The following IGSF5 variants were observed in gnomAD, a reference collection of about 807,000 sequenced individuals.
IGSF5 encodes the protein immunoglobulin superfamily member 5.
In IGSF5, 41 loss-of-function variants were observed where a neutral mutation model predicts 39.4. That is an observed-to-expected ratio of 1.04 (90% CI 0.81 to 1.35). The LOEUF (loss-of-function observed/expected upper bound fraction) is 1.35, where lower values mean the gene tolerates loss of function less well. IGSF5 is among the 40% of genes most tolerant of loss of function. The pLI, the probability that IGSF5 is intolerant of heterozygous loss-of-function variation, is 0.00. For missense variants in IGSF5, 487 were observed against 494.6 expected (o/e 0.98, Z 0.15); for synonymous variants, 183 against 175.3 (o/e 1.04, Z -0.34).
At chr21:39,755,978 C>A (rs2080028081) in intron 2 of IGSF5, among the ~76,000 whole-genome samples, 1 of 151,820 alleles carries the variant, frequency 6.6e-6, no homozygotes, top group East Asian at 1.9e-4. Context: ...GTACTTCCAG[C>A]TACTTGGGAG....
At chr21:39,774,745 A>G (rs769427942) in intron 4 of IGSF5, among the ~76,000 whole-genome samples, 6 of 152,218 alleles carry the variant, frequency 3.9e-5, no homozygotes, top group Non-Finnish European at 7.3e-5. Context: ...AAAATGAAGT[A>G]ATGTTTTTAG....
Position 39,779,222 on chromosome 21 carries a change from C to T in IGSF5, c.851C>T (p.Thr284Ile). The change falls in exon 5 of 9, where the codon ACA becomes ATA. Residue 284 changes from threonine to isoleucine, a missense_variant. Physicochemically the swap from Thr to Ile is moderately conservative, Grantham distance 89. Coordinates refer to ENST00000380588, the MANE Select transcript of IGSF5 (RefSeq NM_001080444.2). Reference protein sequence around the residue: ...TMLLTPTCTLTIRCCCCRRRC... With the variant: ...TMLLTPTCTLIIRCCCCRRRC... ...CTTCTGACGCCGACGTGTACTCTTACAATACGCTGCTGCTGCTGCCGCCGT... is the reference window on the plus strand; with the variant it reads ...CTTCTGACGCCGACGTGTACTCTTATAATACGCTGCTGCTGCTGCCGCCGT... 1.9e-6 allele frequency: 3 copies of T among 1,613,816 alleles called. No homozygotes were observed. Among genetic ancestry groups the T allele is most frequent in the South Asian group, 2.2e-5 (2 of 91,076 alleles).
At chr21:39,765,496 C>A (rs780599552) in intron 2 of IGSF5, 39 bp from the exon 3 acceptor site, 17 of 1,561,234 alleles carry the variant, frequency 1.1e-5, no homozygotes, top group Admixed American at 1.7e-5. Flanking sequence ...TTATGGAGAT[C>A]CATTCATTTA....
chr21:39,770,802 C>A (rs1256897503), intron 3 of IGSF5, 114 bp from the exon 4 acceptor site: 5 of 751,646 alleles, frequency 6.7e-6, no homozygotes, highest in Non-Finnish European at 7.5e-6. Flanking sequence ...GAAAATAGGT[C>A]TCACAAAATG....
intron 2 of IGSF5, among the ~76,000 whole-genome samples, chr21:39,748,812 G>T (rs2079988985): frequency 1.6e-5 from 1 of 63,692 alleles, no homozygotes; most frequent in African/African-American, 5.5e-5. Context: ...GTCAACTGAA[G>T]TTCCACCAGA....
At position 39,788,048 on chromosome 21, in the gene IGSF5, T is replaced by C. The variant is rs2086934263; in HGVS notation, c.935-119T>C. ...TATGGGAAAACTTAATAATGCTCCT[T>C]GGGTCACAAATACTAATGTTGGGTC... On this transcript the variant is annotated intron_variant, in intron 5 of 8. Transcript: ENST00000380588. 1.5e-5 allele frequency: 11 copies of C among 731,892 alleles called. No homozygotes were observed. The East Asian group carries it at 3.0e-4, about 20-fold the overall frequency. The allele number at this position is 731,892 out of a possible 1,614,324, so 45.3% of individuals were successfully genotyped here.
intron 5 of IGSF5, among the ~76,000 whole-genome samples, chr21:39,787,780 A>T (rs1325888629): frequency 6.6e-6 from 1 of 152,184 alleles, no homozygotes; most frequent in Non-Finnish European, 1.5e-5. Flanking sequence ...GGCACATGGT[A>T]AAAATTGAAT....
At chr21:39,773,023 T>C (rs375337442) in intron 4 of IGSF5, among the ~76,000 whole-genome samples, 2 of 152,334 alleles carry the variant, frequency 1.3e-5, no homozygotes, top group Admixed American at 6.5e-5. Flanking sequence ...TGGTTTGTTG[T>C]ATAGGCAAAC....
chr21:39,742,781 C>CTT (rs71330380), upstream of IGSF5, among the ~76,000 whole-genome samples: 13 of 151,860 alleles, frequency 8.6e-5, no homozygotes, highest in Admixed American at 2.6e-4. Context: ...AAGTGATGGC[C>CTT]TTTTTTTTAT....
intron 4 of IGSF5, among the ~76,000 whole-genome samples, chr21:39,772,610 T>C (rs1484315680): frequency 6.6e-6 from 1 of 152,194 alleles, no homozygotes; most frequent in African/African-American, 2.4e-5. Context: ...CCTTCATCTT[T>C]ACTTGGTGTT....
chr21:39,730,950 CTG>C, the IGSF5 span, among the ~76,000 whole-genome samples: 2 of 152,206 alleles, frequency 1.3e-5, no homozygotes, highest in Admixed American at 6.5e-5. Context: ...CTTTAAAAGA[CTG>C]TGCATGTTTT....
At chr21:39,741,873 T>C (rs553708754), upstream of IGSF5, among the ~76,000 whole-genome samples, 24 of 152,240 alleles carry the variant, frequency 1.6e-4, no homozygotes, top group African/African-American at 5.1e-4. Flanking sequence ...AACAGCCTCA[T>C]TGATAATCCT....
chr21:39,779,084 CT>C lies in IGSF5; in HGVS notation c.719-3del. ...TATCACTAAAATATATTTTTTTCTT[CT>C]TTAGACACTGGAGGTGGTATTAATA... On this transcript the variant is annotated splice_region_variant and splice_polypyrimidine_tract_variant and intron_variant, in intron 4 of 8. Coordinates refer to ENST00000380588, the MANE Select transcript of IGSF5 (RefSeq NM_001080444.2). 7 of 1,610,726 alleles carry C rather than the reference CT, an allele frequency of 4.3e-6. No homozygotes were observed. Among genetic ancestry groups the C allele is most frequent in the Non-Finnish European group, 5.9e-6 (7 of 1,177,780 alleles).
intron 8 of IGSF5, among the ~76,000 whole-genome samples, chr21:39,799,046 G>A (rs1048943305): frequency 2.0e-5 from 3 of 152,138 alleles, no homozygotes; most frequent in African/African-American, 7.2e-5. Context: ...TCAGGGGGAC[G>A]CTGGGTTGTA....
chr21:39,758,683 A>G (rs1331613363), intron 2 of IGSF5, among the ~76,000 whole-genome samples: 17 of 152,150 alleles, frequency 1.1e-4, no homozygotes, highest in Admixed American at 1.1e-3. Flanking sequence ...TGGTCAGACT[A>G]CTTTCTATGG....
chr21:39,725,758 C>T, the IGSF5 span: 2 of 152,156 alleles, frequency 1.3e-5, no homozygotes, highest in African/African-American at 4.8e-5. Flanking sequence ...GCACATCATG[C>T]TCATAATTAT....
the IGSF5 span, among the ~76,000 whole-genome samples, chr21:39,736,873 A>G: frequency 6.6e-6 from 1 of 152,216 alleles, no homozygotes; most frequent in Non-Finnish European, 1.5e-5. Flanking sequence ...TTTGCTGGCC[A>G]GCCCTCACAA....
intron 2 of IGSF5, among the ~76,000 whole-genome samples, chr21:39,761,563 C>T (rs1274957161): frequency 6.6e-6 from 1 of 152,160 alleles, no homozygotes; most frequent in Non-Finnish European, 1.5e-5. Flanking sequence ...AATCAACAAG[C>T]ACAAATCAAA....
At chr21:39,761,828 A>G (rs1446697563) in intron 2 of IGSF5, among the ~76,000 whole-genome samples, 2 of 151,854 alleles carry the variant, frequency 1.3e-5, no homozygotes, top group East Asian at 3.9e-4. Context: ...GCTAACACAC[A>G]CGGCTATTTT....
Sources: allele counts gnomAD v4.1 joint callset (sites outside exome capture counted in the v4.1 genomes callset), GRCh38; gene constraint gnomAD v4.1.1; transcripts MANE v1.5; gene names NCBI Gene and HGNC (gene_info 2026-07-23, HGNC 2026-07-21).